The following GNAL variants were observed in gnomAD, a reference collection of about 807,000 sequenced individuals.
GNAL encodes the protein G protein subunit alpha L, also known as guanine nucleotide-binding protein G(olf) subunit alpha.
A neutral mutation model predicts 55.1 loss-of-function variants in GNAL; 18 were observed. The ratio of observed to expected loss-of-function variants is 0.33; its 90% confidence interval spans 0.23 to 0.48. The LOEUF is 0.48. GNAL is among the 20% of genes least tolerant of loss of function. The probability of loss-of-function intolerance (pLI) is 0.99; values close to 1 mark genes in which losing one functional copy is unlikely to be tolerated. For synonymous variants in GNAL, 253 were observed against 237.0 expected, an observed-to-expected ratio of 1.07 and a Z score of -0.62; for missense variants, 412 against 614.1, an observed-to-expected ratio of 0.67 and a Z score of 3.48.
chr18:11,711,118 A>C (rs2031829126), intron 1 of GNAL, among the ~76,000 whole-genome samples: 1 of 151,894 alleles, frequency 6.6e-6, no homozygotes, highest in Admixed American at 6.6e-5. Flanking sequence ...CTCGTGATCC[A>C]CCCACCTCAG....
rs529926310 is a variant in GNAL, at chr18:11,697,459, A to G, written c.376+7520A>G. On this transcript the variant is annotated intron_variant, in intron 1 of 11. Coordinates refer to ENST00000334049, the MANE Select transcript of GNAL (RefSeq NM_182978.4). Reference sequence around the variant, plus strand: ...TGTAATCCCAGCTTCTCAGGAGGCTAAGGTGGGAGTATCACTTGAACCTGG... The same window carrying G: ...TGTAATCCCAGCTTCTCAGGAGGCTGAGGTGGGAGTATCACTTGAACCTGG... 4.6e-5 allele frequency among the ~76,000 whole-genome samples: 7 copies of G among 152,142 alleles called. No homozygotes were observed. In the South Asian group the frequency reaches 1.5e-3, roughly 32 times the overall value.
At chr18:11,740,542 G>A (rs2032554999) in intron 1 of GNAL, among the ~76,000 whole-genome samples, 1 of 152,178 alleles carries the variant, frequency 6.6e-6, no homozygotes, top group East Asian at 1.9e-4. Flanking sequence ...AATCATGAGT[G>A]TGTCTATGTA....
At chr18:11,817,702 T>C (rs56149427) in intron 4 of GNAL, among the ~76,000 whole-genome samples, 7,939 of 150,648 alleles carry the variant, frequency 0.053, 352 homozygotes, top group African/African-American at 0.1. Flanking sequence ...TGATCTCCTG[T>C]CTCAGCCTCT....
At chr18:11,702,469 C>T (rs1404135432) in intron 1 of GNAL, among the ~76,000 whole-genome samples, 2 of 152,186 alleles carry the variant, frequency 1.3e-5, no homozygotes, top group Non-Finnish European at 1.5e-5. Flanking sequence ...AGCCACAGAT[C>T]AATCAGCTGT....
intron 4 of GNAL, among the ~76,000 whole-genome samples, chr18:11,762,488 G>A (rs1326628840): frequency 6.6e-6 from 1 of 152,216 alleles, no homozygotes; most frequent in East Asian, 1.9e-4. Flanking sequence ...CTACATTTAA[G>A]GAAGTTCTTG....
intron 5 of GNAL, among the ~76,000 whole-genome samples, chr18:11,836,272 C>A (rs2035496539): frequency 1.3e-5 from 2 of 151,950 alleles, no homozygotes; most frequent in African/African-American, 4.8e-5. Flanking sequence ...CATAGAGAAA[C>A]CCTGTCTCTA....
At chr18:11,803,423 A>G (rs1458596110) in intron 4 of GNAL, among the ~76,000 whole-genome samples, 1 of 152,070 alleles carries the variant, frequency 6.6e-6, no homozygotes, top group Non-Finnish European at 1.5e-5. Context: ...GATGAATGAT[A>G]CTCCATTGTG....
chr18:11,694,641 C>G (rs1210950610), intron 1 of GNAL, among the ~76,000 whole-genome samples: 1 of 152,102 alleles, frequency 6.6e-6, no homozygotes. Context: ...GCTTGGGGAG[C>G]AGGTCAGATG....
At chr18:11,694,108 C>T (rs1306935256) in intron 1 of GNAL, among the ~76,000 whole-genome samples, 1 of 151,994 alleles carries the variant, frequency 6.6e-6, no homozygotes, top group Non-Finnish European at 1.5e-5. Context: ...CTGTCTTGGC[C>T]CACAGTGCTG....
chr18:11,696,947 C>T (rs1457934060), intron 1 of GNAL, among the ~76,000 whole-genome samples: 1 of 152,206 alleles, frequency 6.6e-6, no homozygotes, highest in African/African-American at 2.4e-5. Flanking sequence ...TTGTCCGAGG[C>T]CCTTAGCACC....
intron 11 of GNAL, among the ~76,000 whole-genome samples, chr18:11,880,156 C>A (rs2036635942): frequency 1.3e-5 from 2 of 150,874 alleles, no homozygotes; most frequent in South Asian, 2.2e-4. Flanking sequence ...ACTCAGGAGG[C>A]TGAGGCAGGA....
intron 4 of GNAL, among the ~76,000 whole-genome samples, chr18:11,765,718 G>A (rs924796623): frequency 6.6e-6 from 1 of 152,136 alleles, no homozygotes; most frequent in African/African-American, 2.4e-5. Context: ...TTCTATCCAT[G>A]TTGCTGCAAA....
At chr18:11,835,199 T>C (rs2035473279) in intron 5 of GNAL, among the ~76,000 whole-genome samples, 1 of 152,238 alleles carries the variant, frequency 6.6e-6, no homozygotes, top group African/African-American at 2.4e-5. Flanking sequence ...AAATATTGAT[T>C]CTTAGATAAC....
intron 1 of GNAL, among the ~76,000 whole-genome samples, chr18:11,741,541 T>C (rs1304304535): frequency 6.6e-6 from 1 of 152,210 alleles, no homozygotes; most frequent in East Asian, 1.9e-4. Context: ...AACTAGACTA[T>C]TAAATTAATG....
rs142264397 is a variant in GNAL, at chr18:11,753,232, A to G, written c.449+307A>G. Among the ~76,000 whole-genome samples the G allele has an allele frequency of 6.9e-4, 99 of 143,396 alleles. No homozygotes were observed. In the East Asian group the frequency reaches 0.018, roughly 27 times the overall value. 94.1% of individuals were successfully genotyped at this position (143,396 alleles called of 152,430 possible). On this transcript the variant is annotated intron_variant, in intron 2 of 11. Transcript: ENST00000334049. ...ATCTCGATATATTTTTTTCAATATAATATTATTTGTTTGCATCTATTTCAG... is the reference window on the plus strand; with the variant it reads ...ATCTCGATATATTTTTTTCAATATAGTATTATTTGTTTGCATCTATTTCAG...
At chr18:11,759,002 G>A (rs113318799) in intron 4 of GNAL, among the ~76,000 whole-genome samples, 64 of 151,700 alleles carry the variant, frequency 4.2e-4, no homozygotes, top group African/African-American at 1.4e-3. Context: ...GTGAAACCCC[G>A]TCTCTACTAA....
chr18:11,708,652 G>C (rs900588183), intron 1 of GNAL, among the ~76,000 whole-genome samples: 1 of 152,202 alleles, frequency 6.6e-6, no homozygotes, highest in Non-Finnish European at 1.5e-5. Context: ...TTGTAAATTT[G>C]TATAAATGCA....
chr18:11,789,173 G>A (rs1316690870), intron 4 of GNAL, among the ~76,000 whole-genome samples: 4 of 151,972 alleles, frequency 2.6e-5, no homozygotes, highest in African/African-American at 9.7e-5. Context: ...CAGAGGAGCA[G>A]TTGAGGCCCT....
At chr18:11,788,254 G>C (rs1379342804) in intron 4 of GNAL, among the ~76,000 whole-genome samples, 4 of 152,192 alleles carry the variant, frequency 2.6e-5, no homozygotes, top group African/African-American at 9.6e-5. Context: ...GAAGCCTTGA[G>C]GAATCTATTT....
Sources: allele counts gnomAD v4.1 joint callset (sites outside exome capture counted in the v4.1 genomes callset), GRCh38; gene constraint gnomAD v4.1.1; transcripts MANE v1.5; gene names NCBI Gene and HGNC (gene_info 2026-07-23, HGNC 2026-07-21).